KIAA0930: variants seen among roughly 807,000 people sequenced by gnomAD.
The protein encoded by KIAA0930 is KIAA0930, also known as uncharacterized protein KIAA0930.
A neutral mutation model predicts 43.9 loss-of-function variants in KIAA0930; 24 were observed. That is an observed-to-expected ratio of 0.55 (90% CI 0.40 to 0.77). The LOEUF is 0.77. Among genes scored for constraint, KIAA0930 ranks in the 30% least tolerant of loss-of-function variants. KIAA0930 has a pLI of 0.00. For missense variants in KIAA0930, 461 were observed against 574.2 expected, an observed-to-expected ratio of 0.80 and a Z score of 2.02; for synonymous variants, 259 against 216.4, an observed-to-expected ratio of 1.20 and a Z score of -1.73.
intron 1 of KIAA0930, among the ~76,000 whole-genome samples, chr22:45,228,791 ACACT>A (rs2083822987): frequency 3.2e-5 from 1 of 30,990 alleles, no homozygotes; most frequent in Non-Finnish European, 5.8e-5. Context: ...CAACCACCAA[ACACT>A]CACCTGAGAG....
At chr22:45,230,501 A>G (rs918450900) in intron 1 of KIAA0930, among the ~76,000 whole-genome samples, 21 of 152,064 alleles carry the variant, frequency 1.4e-4, no homozygotes, top group African/African-American at 5.1e-4. Flanking sequence ...ATCTCTGAAG[A>G]CACAGCAATT....
Position 45,205,652 on chromosome 22 carries a change from T to C in KIAA0930, c.392A>G (p.His131Arg), listed in dbSNP as rs762001883. 2 of 1,613,970 alleles carry C rather than the reference T, an allele frequency of 1.2e-6. No individual in the cohort carries two copies. Among genetic ancestry groups the C allele is most frequent in the Non-Finnish European group, 1.7e-6 (2 of 1,180,006 alleles). ...VCTRADGGDI[H>R]IHKKKSQQVF... The stretch of plus-strand genomic sequence containing the variant: ...CACCTGAGATTTCTTCTTATGGATG[T>C]GAATGTCCCCGCCGTCAGCACGTGT... Residue 131 changes from histidine (H) to arginine (R), a missense_variant, in exon 4 of 10, where the codon CAC (histidine) becomes CGC (arginine). Coordinates refer to ENST00000336156, the MANE Select transcript of KIAA0930 (RefSeq NM_001009880.2).
chr22:45,205,756 A>G, intron 3 of KIAA0930, 37 bp downstream of exon 3: 1 of 1,611,574 alleles, frequency 6.2e-7, no homozygotes, highest in Non-Finnish European at 8.5e-7. Context: ...GCCATCCCAC[A>G]GGGCCAATCC....
intron 5 of KIAA0930, 93 bp downstream of exon 5, chr22:45,205,124 C>A (rs2083624529): frequency 2.0e-6 from 2 of 995,808 alleles, no homozygotes; most frequent in Non-Finnish European, 3.2e-6. Context: ...GCCACCCATG[C>A]CTTTCTGCAA....
In KIAA0930 at chr22:45,236,855, G is replaced by A. The variant is rs2083891254; in HGVS notation, c.64+3785C>T. The stretch of plus-strand genomic sequence containing the variant: ...CCTTCTCTGCACCACTCCGGACACA[G>A]GGAGAATCCCTTAGCCCCAAATGCC... On this transcript the variant is annotated intron_variant, in intron 1 of 9. Coordinates refer to ENST00000336156, the MANE Select transcript of KIAA0930 (RefSeq NM_001009880.2). Among the ~76,000 whole-genome samples the A allele has an allele frequency of 2.6e-5, 4 of 152,244 alleles. No homozygotes were observed. In the South Asian group the frequency reaches 8.3e-4, roughly 32 times the overall value.
At chr22:45,214,350 C>T (rs1347698768) in intron 1 of KIAA0930, among the ~76,000 whole-genome samples, 1 of 152,128 alleles carries the variant, frequency 6.6e-6, no homozygotes, top group African/African-American at 2.4e-5. Flanking sequence ...TTATTCGTAA[C>T]GGCCACAAAC....
chr22:45,217,475 T>C (rs2083741258), intron 1 of KIAA0930, among the ~76,000 whole-genome samples: 2 of 151,712 alleles, frequency 1.3e-5, no homozygotes, highest in African/African-American at 2.4e-5. Context: ...CTCTAACACA[T>C]GTATTTTCTC....
chr22:45,234,548 C>T (rs1289821036), intron 1 of KIAA0930, among the ~76,000 whole-genome samples: 2 of 152,240 alleles, frequency 1.3e-5, no homozygotes, highest in East Asian at 1.9e-4. Context: ...CGTGAACACC[C>T]GTCTACCACC....
intron 1 of KIAA0930, among the ~76,000 whole-genome samples, chr22:45,231,223 G>GAAAAAA (rs529570003): frequency 2.1e-5 from 1 of 47,440 alleles, no homozygotes; most frequent in African/African-American, 5.3e-5. Context: ...CTCCGTCTCA[G>GAAAAAA]AAAAAAAAAA....
intron 8 of KIAA0930, 98 bp downstream of exon 8, chr22:45,199,775 T>G: frequency 4.0e-6 from 5 of 1,237,550 alleles, no homozygotes; most frequent in Non-Finnish European, 5.5e-6. Context: ...TGCTGCTGAA[T>G]GAACAAATGA....
intron 1 of KIAA0930, among the ~76,000 whole-genome samples, chr22:45,214,984 G>C (rs977657921): frequency 6.6e-6 from 1 of 152,040 alleles, no homozygotes; most frequent in African/African-American, 2.4e-5. Context: ...TTAGGAGGCT[G>C]TGGCCGGCAG....
At chr22:45,239,180 T>C (rs2083903448) in intron 1 of KIAA0930, among the ~76,000 whole-genome samples, 1 of 152,158 alleles carries the variant, frequency 6.6e-6, no homozygotes, top group African/African-American at 2.4e-5. Flanking sequence ...GAGGGACTGC[T>C]TGAAGCTGCT....
chr22:45,220,154 G>A (rs1249250500), intron 1 of KIAA0930, among the ~76,000 whole-genome samples: 2 of 151,964 alleles, frequency 1.3e-5, no homozygotes, highest in Non-Finnish European at 2.9e-5. Context: ...ATTTAACTGG[G>A]AATAAAGAAT....
At chr22:45,203,762 G>A (rs2083610865) in intron 6 of KIAA0930, 83 bp downstream of exon 6, 3 of 1,500,620 alleles carry the variant, frequency 2.0e-6, no homozygotes, top group South Asian at 2.5e-5. Flanking sequence ...AGGCTGGGGG[G>A]CCCCATGGTA....
intron 1 of KIAA0930, among the ~76,000 whole-genome samples, chr22:45,220,628 C>CTGGA (rs1383535776): frequency 6.6e-6 from 1 of 152,146 alleles, no homozygotes; most frequent in South Asian, 2.1e-4. Flanking sequence ...GTCACCCAGG[C>CTGGA]TGGAGCACAG....
chr22:45,205,766 C>A (rs747462463), intron 3 of KIAA0930, 27 bp downstream of exon 3: 3 of 1,580,842 alleles, frequency 1.9e-6, no homozygotes, highest in Admixed American at 3.3e-5. Flanking sequence ...AGGGCCAATC[C>A]GCAGCCCCAC....
intron 1 of KIAA0930, among the ~76,000 whole-genome samples, chr22:45,224,703 G>A (rs754595495): frequency 3.9e-5 from 6 of 152,208 alleles, no homozygotes; most frequent in Non-Finnish European, 7.3e-5. Context: ...GGGAATGCCA[G>A]TCAGCTGGAG....
At position 45,240,690 on chromosome 22, in the gene KIAA0930, A is replaced by G; in HGVS notation, c.14T>C (p.Ile5Thr). 1.4e-6 allele frequency: 2 copies of G among 1,419,348 alleles called. No homozygotes were observed. Among genetic ancestry groups the G allele is most frequent in the Non-Finnish European group, 1.8e-6 (2 of 1,096,198 alleles). 87.9% of individuals were successfully genotyped at this position (1,419,348 alleles called of 1,614,324 possible). MLRAIAEERGRLSLR... is the reference protein window; with the variant it reads MLRATAEERGRLSLR... ...GCTAAGACGGCCGCGCTCCTCCGCTATGGCACGCAGCATGTGCTGCAGCGA... is the reference window on the plus strand; with the variant it reads ...GCTAAGACGGCCGCGCTCCTCCGCTGTGGCACGCAGCATGTGCTGCAGCGA... Residue 5 changes from isoleucine to threonine, a missense_variant, in exon 1 of 10, where the codon ATA (isoleucine) becomes ACA (threonine). By Grantham distance (89) the Ile-to-Thr change is moderately conservative (BLOSUM62 -1). Coordinates refer to ENST00000336156, the MANE Select transcript of KIAA0930 (RefSeq NM_001009880.2).
Position 45,203,142 on chromosome 22 carries a change from A to G in KIAA0930, c.700T>C (p.Phe234Leu). ...ARMAQKMSFG[F>L]YKYSNMEFVR... ...AACTCCATGTTGCTGTACTTGTAGA[A>G]GCCAAACGACATCTTCTGTGCCATG... The change falls in exon 7 of 10, where the codon TTC becomes CTC. Residue 234 changes from phenylalanine (F) to leucine (L), a missense_variant. Physicochemically the swap from Phe to Leu is conservative, Grantham distance 22 (BLOSUM62 0). Transcript: ENST00000336156. The G allele has an allele frequency of 6.2e-7, 1 of 1,612,894 alleles. No individual in the cohort carries two copies. Among genetic ancestry groups the G allele is most frequent in the Non-Finnish European group, 8.5e-7 (1 of 1,179,478 alleles).
Sources: allele counts gnomAD v4.1 joint callset (sites outside exome capture counted in the v4.1 genomes callset), GRCh38; gene constraint gnomAD v4.1.1; transcripts MANE v1.5; gene names NCBI Gene and HGNC (gene_info 2026-07-23, HGNC 2026-07-21).